The following RALYL variants were observed in gnomAD, a reference collection of about 807,000 sequenced individuals.
The protein encoded by RALYL is RNA-binding Raly-like protein.
A neutral mutation model predicts 35.1 loss-of-function variants in RALYL; 29 were observed. That is an observed-to-expected ratio of 0.83 (90% confidence interval 0.61 to 1.13). The LOEUF is 1.13. RALYL is among the 50% of genes most tolerant of loss of function. The probability of loss-of-function intolerance (pLI) is 0.00; values close to 1 mark genes in which losing one functional copy is unlikely to be tolerated. For synonymous variants in RALYL, 120 were observed against 127.6 expected (o/e 0.94, Z 0.40); for missense variants, 359 against 360.4 (o/e 1.00, Z 0.03).
intron 8 of RALYL, among the ~76,000 whole-genome samples, chr8:84,893,061 T>C (rs1366918780): frequency 6.6e-6 from 1 of 152,152 alleles, no homozygotes; most frequent in East Asian, 1.9e-4. Flanking sequence ...CAATGCAGCA[T>C]GTCATGGTAA....
intron 2 of RALYL, among the ~76,000 whole-genome samples, chr8:84,549,781 C>G (rs1333778907): frequency 6.6e-6 from 1 of 152,270 alleles, no homozygotes; most frequent in Non-Finnish European, 1.5e-5. Flanking sequence ...CCCCAGGAGG[C>G]CTGTCCAGTA....
At chr8:84,232,424 A>T (rs1179880397) in intron 1 of RALYL, among the ~76,000 whole-genome samples, 1 of 150,858 alleles carries the variant, frequency 6.6e-6, no homozygotes, top group African/African-American at 2.5e-5. Flanking sequence ...TGATAATGAG[A>T]TATCATTTTA....
intron 4 of RALYL, among the ~76,000 whole-genome samples, chr8:84,810,514 G>T (rs1290697486): frequency 2.6e-5 from 4 of 152,130 alleles, no homozygotes; most frequent in African/African-American, 9.7e-5. Flanking sequence ...TTGTTCCAAG[G>T]TAAACTTTAA....
chr8:84,312,979 G>T (rs1316418648), intron 1 of RALYL, among the ~76,000 whole-genome samples: 4 of 152,210 alleles, frequency 2.6e-5, no homozygotes, highest in Non-Finnish European at 5.9e-5. Context: ...CCTGCAGCAG[G>T]CTTCTGCATG....
intron 2 of RALYL, among the ~76,000 whole-genome samples, chr8:84,543,456 G>A (rs1389801478): frequency 1.3e-5 from 2 of 151,140 alleles, no homozygotes; most frequent in African/African-American, 4.9e-5. Flanking sequence ...ACTTATTTAT[G>A]TAACCAAATA....
chr8:84,235,097 T>G (rs2131485176), intron 1 of RALYL, among the ~76,000 whole-genome samples: 1 of 152,280 alleles, frequency 6.6e-6, no homozygotes, highest in South Asian at 2.1e-4. Context: ...AATGTTTTGC[T>G]TTGTTCTAAG....
At chr8:84,763,518 G>A (rs1813179659) in intron 2 of RALYL, among the ~76,000 whole-genome samples, 1 of 152,140 alleles carries the variant, frequency 6.6e-6, no homozygotes, top group Admixed American at 6.6e-5. Context: ...CACCGTTGAT[G>A]TCAATAATCA....
At chr8:84,541,868 A>C (rs1168007407) in intron 2 of RALYL, among the ~76,000 whole-genome samples, 1 of 151,756 alleles carries the variant, frequency 6.6e-6, no homozygotes, top group East Asian at 1.9e-4. Flanking sequence ...ATATTCCTTA[A>C]CTCACTTCCT....
At chr8:84,501,769 T>A (rs2056684405) in intron 1 of RALYL, among the ~76,000 whole-genome samples, 1 of 151,108 alleles carries the variant, frequency 6.6e-6, no homozygotes, top group Admixed American at 6.6e-5. Flanking sequence ...TTTTAAAAAC[T>A]CCTCAGATGG....
At chr8:84,798,897 T>A (rs186298429) in intron 3 of RALYL, among the ~76,000 whole-genome samples, 1 of 152,184 alleles carries the variant, frequency 6.6e-6, no homozygotes, top group East Asian at 1.9e-4. Flanking sequence ...ACCCAGACAG[T>A]GAGCAATTTG....
chr8:84,478,922 T>TAAAAAAAAAAAAAAAAAAAAAAAAAAAA lies in RALYL; in HGVS notation c.-23-50372_-23-50371insAAAAAAAAAAAAAAAAAAAAAAAAAAAA, dbSNP rs1587656659. Among the ~76,000 whole-genome samples, 97 of 85,290 alleles carry TAAAAAAAAAAAAAAAAAAAAAAAAAAAA rather than the reference T, an allele frequency of 1.1e-3. 12 individuals carry two copies. Among genetic ancestry groups the TAAAAAAAAAAAAAAAAAAAAAAAAAAAA allele is most frequent in the East Asian group, 1.7e-3 (4 of 2,354 alleles). The allele number at this position is 85,290 out of a possible 152,430, so 56.0% of individuals were successfully genotyped here. On this transcript the variant is annotated intron_variant, in intron 1 of 8. Coordinates refer to ENST00000521268, the MANE Select transcript of RALYL (RefSeq NM_173848.7). ...TAACACCGTGAAACCCCGTCTCTAC[T>TAAAAAAAAAAAAAAAAAAAAAAAAAAAA]AAAAATACAAAACATTAGCCGGGCA...
At chr8:84,675,403 A>C (rs538057758) in intron 2 of RALYL, among the ~76,000 whole-genome samples, 1 of 152,266 alleles carries the variant, frequency 6.6e-6, no homozygotes, top group Admixed American at 6.5e-5. Context: ...GAGGCTTACA[A>C]ATGGCTCCTT....
intron 1 of RALYL, among the ~76,000 whole-genome samples, chr8:84,431,435 C>G (rs565637205): frequency 6.6e-6 from 1 of 152,174 alleles, no homozygotes; most frequent in Admixed American, 6.6e-5. Flanking sequence ...AATGAAACTA[C>G]AGCGAGTTAT....
chr8:84,195,705 T>G (rs938877263), intron 1 of RALYL, among the ~76,000 whole-genome samples: 1 of 152,130 alleles, frequency 6.6e-6, no homozygotes, highest in African/African-American at 2.4e-5. Flanking sequence ...TTCCATTGTA[T>G]TCCAAAGCCA....
At chr8:84,371,118 C>A (rs1855592606) in intron 1 of RALYL, among the ~76,000 whole-genome samples, 1 of 151,850 alleles carries the variant, frequency 6.6e-6, no homozygotes, top group African/African-American at 2.4e-5. Flanking sequence ...TCACGGAAGC[C>A]CCAATGACAA....
rs530403530 is a variant in RALYL at position 84,206,307 on chromosome 8, C to T, written c.-24+21883C>T. ...GCCACAGCTTGAGTGCATGGGTGATCTGGAGGTAACTTCAGCCTTCCTCGT... is the reference window on the plus strand; with the variant it reads ...GCCACAGCTTGAGTGCATGGGTGATTTGGAGGTAACTTCAGCCTTCCTCGT... On this transcript the variant is annotated intron_variant, in intron 1 of 8. Transcript: ENST00000521268. Among the ~76,000 whole-genome samples the T allele has an allele frequency of 1.1e-4, 16 of 152,280 alleles. No individual in the cohort carries two copies. In the South Asian group the frequency reaches 3.1e-3, roughly 30 times the overall value.
At chr8:84,548,335 T>C (rs867313205) in intron 2 of RALYL, among the ~76,000 whole-genome samples, 51 of 152,318 alleles carry the variant, frequency 3.3e-4, no homozygotes, top group Middle Eastern at 6.8e-3. Context: ...TTCTGTCGCA[T>C]GTTTACAGAT....
intron 1 of RALYL, among the ~76,000 whole-genome samples, chr8:84,381,574 C>G (rs549027552): frequency 6.6e-6 from 1 of 151,894 alleles, no homozygotes; most frequent in South Asian, 2.1e-4. Context: ...TTCCTTCAAC[C>G]CACATTTATA....
intron 1 of RALYL, among the ~76,000 whole-genome samples, chr8:84,323,058 G>A (rs1845172092): frequency 2.0e-5 from 3 of 151,914 alleles, no homozygotes; most frequent in Admixed American, 2.0e-4. Context: ...CCTAAATTGT[G>A]AAATAATGTT....
Sources: gnomAD v4.1 joint callset for allele counts (sites outside exome capture counted in the v4.1 genomes callset) on GRCh38, gnomAD v4.1.1 for gene constraint, MANE v1.5 for transcripts, NCBI Gene and HGNC (gene_info 2026-07-23, HGNC 2026-07-21) for gene names.